The following MID1 variants were observed in gnomAD, a reference collection of about 807,000 sequenced individuals.
The protein encoded by MID1 is E3 ubiquitin-protein ligase Midline-1.
A neutral mutation model predicts 40.4 loss-of-function variants in MID1; 7 were observed. The ratio of observed to expected loss-of-function variants is 0.17; its 90% CI spans 0.10 to 0.33. The LOEUF is 0.33. MID1 is among the 10% of genes least tolerant of loss of function. MID1 has a pLI of 1.00. For missense variants in MID1, 367 were observed against 558.5 expected, an observed-to-expected ratio of 0.66 and a Z score of 3.46; for synonymous variants, 229 against 221.2, an observed-to-expected ratio of 1.04 and a Z score of -0.31.
intron 1 of MID1, among the ~76,000 whole-genome samples, chrX:10,733,037 T>C (rs1014299247): frequency 9.1e-6 from 1 of 109,714 alleles, no homozygotes; most frequent in Non-Finnish European, 1.9e-5. Context: ...CTATTTTTTG[T>C]ATTTTTAGTA....
intron 3 of MID1, chrX:10,505,792 GTTAT>G: frequency 8.0e-6 from 6 of 751,841 alleles, no homozygotes; most frequent in Non-Finnish European, 9.4e-6. Flanking sequence ...AATCTTACAT[GTTAT>G]TTCTCATTAA....
intron 1 of MID1, among the ~76,000 whole-genome samples, chrX:10,790,460 C>T (rs1011011930): frequency 9.0e-6 from 1 of 110,646 alleles, no homozygotes; most frequent in Non-Finnish European, 1.9e-5. Flanking sequence ...CTGCTTGGCT[C>T]TAGGTTGGGT....
At chrX:10,598,353 C>A (rs192173227) in intron 1 of MID1, among the ~76,000 whole-genome samples, 1 of 112,317 alleles carries the variant, frequency 8.9e-6, no homozygotes, top group East Asian at 2.8e-4. Flanking sequence ...AGGAGCAAGG[C>A]AGGAGCTGAG....
intron 5 of MID1, chrX:10,475,278 T>G (rs975938321): frequency 1.6e-5 from 5 of 311,783 alleles, no homozygotes; most frequent in Non-Finnish European, 3.1e-5. Context: ...CTCTCTAAAA[T>G]AAACATTAAA....
intron 1 of MID1, among the ~76,000 whole-genome samples, chrX:10,785,315 G>C (rs1462198143): frequency 9.0e-6 from 1 of 110,509 alleles, no homozygotes; most frequent in East Asian, 2.8e-4. Flanking sequence ...TGAAATAAAA[G>C]AGGACACAAA....
At chrX:10,693,221 G>A (rs1315353195) in intron 1 of MID1, among the ~76,000 whole-genome samples, 4 of 103,202 alleles carry the variant, frequency 3.9e-5, no homozygotes, top group African/African-American at 1.1e-4. Flanking sequence ...TTGAGATGAG[G>A]GCTGGCTCTG....
chrX:10,510,094 G>A (rs901869254), intron 3 of MID1, among the ~76,000 whole-genome samples: 1 of 111,260 alleles, frequency 9.0e-6, no homozygotes, highest in African/African-American at 3.3e-5. Flanking sequence ...AATCACTCTC[G>A]GGAGTCCTTG....
At chrX:10,608,803 A>AT (rs1173436610) in intron 1 of MID1, among the ~76,000 whole-genome samples, 1 of 111,443 alleles carries the variant, frequency 9.0e-6, no homozygotes, top group Non-Finnish European at 1.9e-5. Context: ...TCTAAAATGC[A>AT]TTTTTTCCAT....
chrX:10,629,552 T>C (rs1936030268), intron 1 of MID1, among the ~76,000 whole-genome samples: 1 of 111,921 alleles, frequency 8.9e-6, no homozygotes, highest in Non-Finnish European at 1.9e-5. Context: ...ATTTGGGCTG[T>C]GTTCATCCAA....
chrX:10,532,884 C>T (rs1200918325), intron 2 of MID1, among the ~76,000 whole-genome samples: 1 of 107,457 alleles, frequency 9.3e-6, no homozygotes, highest in East Asian at 2.9e-4. Context: ...TCTCCTGCCT[C>T]AGCCTCCCGA....
intron 4 of MID1, among the ~76,000 whole-genome samples, chrX:10,488,935 T>C (rs1226538148): frequency 9.0e-6 from 1 of 111,304 alleles, no homozygotes; most frequent in African/African-American, 3.3e-5. Flanking sequence ...TGGGACTTTG[T>C]GATTGTGTAA....
chrX:10,706,716 T>G (rs1474237152), intron 1 of MID1, among the ~76,000 whole-genome samples: 2 of 111,500 alleles, frequency 1.8e-5, no homozygotes, highest in Non-Finnish European at 3.8e-5. Flanking sequence ...AGCATAAGAA[T>G]GGACTATTAC....
In MID1 at chrX:10,487,476, G is replaced by T. The variant is rs776391848; in HGVS notation, c.865-4848C>A. ...CAATTTATATGTCTAATAAACAGCT[G>T]AATTGAGATAGAATTTACATATCAT... On this transcript the variant is annotated intron_variant, in intron 4 of 9. Transcript: ENST00000317552. 2.7e-5 allele frequency among the ~76,000 whole-genome samples: 3 copies of T among 111,690 alleles called. No homozygotes were observed. The East Asian group carries it at 8.4e-4, about 31-fold the overall frequency.
At chrX:10,540,347 G>A (rs1450306452) in intron 2 of MID1, among the ~76,000 whole-genome samples, 3 of 112,284 alleles carry the variant, frequency 2.7e-5, no homozygotes, top group African/African-American at 9.7e-5. Context: ...CAAGGCTAAA[G>A]AATTCTGCCT....
intron 1 of MID1, among the ~76,000 whole-genome samples, chrX:10,674,164 T>G (rs1255073032): frequency 1.8e-5 from 2 of 112,649 alleles, no homozygotes; most frequent in African/African-American, 6.5e-5. Flanking sequence ...AACCTTTCTT[T>G]TGAATTATTT....
intron 7 of MID1, among the ~76,000 whole-genome samples, chrX:10,467,997 G>A (rs892831808): frequency 3.6e-5 from 4 of 111,303 alleles, no homozygotes; most frequent in African/African-American, 6.5e-5. Flanking sequence ...AAATGCACCC[G>A]CTTTTTTTCA....
intron 1 of MID1, among the ~76,000 whole-genome samples, chrX:10,658,923 T>C (rs1308677664): frequency 1.8e-5 from 2 of 112,045 alleles, no homozygotes; most frequent in African/African-American, 6.5e-5. Flanking sequence ...TTTTCAAAAC[T>C]CCTTAAAATA....
At chrX:10,549,927 T>G (rs1322846976) in intron 2 of MID1, among the ~76,000 whole-genome samples, 3 of 112,628 alleles carry the variant, frequency 2.7e-5, no homozygotes, top group African/African-American at 9.7e-5. Flanking sequence ...ACTGAATAAA[T>G]TCAGCCTCAG....
intron 7 of MID1, among the ~76,000 whole-genome samples, chrX:10,467,673 T>C (rs182226041): frequency 8.9e-6 from 1 of 112,045 alleles, no homozygotes; most frequent in African/African-American, 3.2e-5. Context: ...ATTACTGTCC[T>C]GCATGACTCT....
Sources: allele counts gnomAD v4.1 joint callset (sites outside exome capture counted in the v4.1 genomes callset), GRCh38; gene constraint gnomAD v4.1.1; transcripts MANE v1.5; gene names NCBI Gene and HGNC (gene_info 2026-07-23, HGNC 2026-07-21).